Variants in GARIN3 observed in about 807,000 individuals in gnomAD.
The protein encoded by GARIN3 is golgi associated RAB2 interactor family member 3.
At chr5:157,162,840 G>A in the GARIN3 span, 1 of 1,614,184 alleles carries the variant, frequency 6.2e-7, no homozygotes, top group Non-Finnish European at 8.5e-7. Flanking sequence ...CATCTCTCGT[G>A]TTTTTATGGC....
chr5:157,164,436 G>T, the GARIN3 span, among the ~76,000 whole-genome samples: 18 of 152,292 alleles, frequency 1.2e-4, no homozygotes, highest in Admixed American at 8.5e-4. Flanking sequence ...ACAAGCATGA[G>T]CCACCGCACC....
the GARIN3 span, chr5:157,163,309 T>G: frequency 6.2e-7 from 1 of 1,614,200 alleles, no homozygotes; most frequent in Non-Finnish European, 8.5e-7. Context: ...TCCTGGATTT[T>G]TGATAGCTGC....
the GARIN3 span, chr5:157,162,839 T>A: frequency 1.2e-6 from 2 of 1,614,238 alleles, no homozygotes; most frequent in South Asian, 2.2e-5. Flanking sequence ...TCATCTCTCG[T>A]GTTTTTATGG....
the GARIN3 span, chr5:157,162,937 C>T: frequency 1.2e-6 from 2 of 1,614,206 alleles, no homozygotes; most frequent in Non-Finnish European, 1.7e-6. Flanking sequence ...GTGATGAGAA[C>T]TTTTCCTACT....
the GARIN3 span, chr5:157,162,094 G>A: frequency 3.4e-6 from 1 of 290,212 alleles, no homozygotes; most frequent in South Asian, 5.5e-5. Context: ...AATGGGCGAG[G>A]GGACATGGTG....
At chr5:157,164,237 C>A in the GARIN3 span, among the ~76,000 whole-genome samples, 2 of 150,970 alleles carry the variant, frequency 1.3e-5, no homozygotes, top group African/African-American at 2.4e-5. Flanking sequence ...GCAATCTCCG[C>A]CTCCCAGGTT....
chr5:157,165,659 T>C, the GARIN3 span: 1 of 1,613,936 alleles, frequency 6.2e-7, no homozygotes, highest in African/African-American at 1.3e-5. Context: ...GATAGACAAG[T>C]TTTTCCCAAT....
At chr5:157,163,087 G>T in the GARIN3 span, 6 of 1,614,204 alleles carry the variant, frequency 3.7e-6, no homozygotes, top group Admixed American at 3.3e-5. Flanking sequence ...TCCCACTGCT[G>T]GTCCTTCAGT....
the GARIN3 span, among the ~76,000 whole-genome samples, chr5:157,164,615 G>A: frequency 6.6e-6 from 1 of 152,064 alleles, no homozygotes; most frequent in Non-Finnish European, 1.5e-5. Flanking sequence ...TGCTCTGCAG[G>A]ACAGATTTCC....
the GARIN3 span, chr5:157,162,890 C>G: frequency 5.0e-6 from 8 of 1,614,000 alleles, no homozygotes; most frequent in Non-Finnish European, 6.8e-6. Context: ...TGATTCTTGT[C>G]CCCCGCTCTC....
the GARIN3 span, chr5:157,163,696 G>T: frequency 1.3e-6 from 2 of 1,574,200 alleles, no homozygotes; most frequent in South Asian, 2.3e-5. Flanking sequence ...AGATTGAGAT[G>T]ACTGAAAGGG....
chr5:157,162,224 T>A, the GARIN3 span: 4 of 638,070 alleles, frequency 6.3e-6, no homozygotes, highest in Non-Finnish European at 1.0e-5. Flanking sequence ...GGTGGAGCTC[T>A]ACTTGCCTGG....
chr5:157,166,200 C>T, the GARIN3 span: 2 of 1,584,676 alleles, frequency 1.3e-6, no homozygotes, highest in Admixed American at 1.7e-5. Flanking sequence ...CTCCACCAGC[C>T]ACAAATAGAG....
chr5:157,164,556 A>T, the GARIN3 span, among the ~76,000 whole-genome samples: 12 of 152,202 alleles, frequency 7.9e-5, no homozygotes, highest in Non-Finnish European at 1.3e-4. Context: ...GAAAGTACTG[A>T]TACAATTCCT....
chr5:157,163,454 C>T, the GARIN3 span: 1 of 1,614,240 alleles, frequency 6.2e-7, no homozygotes, highest in Non-Finnish European at 8.5e-7. Context: ...GTTCCTGCCA[C>T]TGCCATGCCA....
the GARIN3 span, among the ~76,000 whole-genome samples, chr5:157,164,778 A>C: frequency 6.6e-6 from 1 of 152,180 alleles, no homozygotes; most frequent in Non-Finnish European, 1.5e-5. Context: ...CTCAAATCGA[A>C]GAAAGACTTC....
the GARIN3 span, among the ~76,000 whole-genome samples, chr5:157,164,390 G>A: frequency 1.3e-5 from 2 of 151,962 alleles, no homozygotes; most frequent in African/African-American, 4.8e-5. Flanking sequence ...GACCTCTGGT[G>A]AGCCGCCTTC....
the GARIN3 span, chr5:157,163,132 C>T: frequency 1.2e-6 from 2 of 1,614,164 alleles, no homozygotes; most frequent in South Asian, 1.1e-5. Context: ...CGTAATACTG[C>T]CTGCAAACGC....
chr5:157,162,820 T>C, the GARIN3 span: 7 of 1,614,220 alleles, frequency 4.3e-6, no homozygotes, highest in Non-Finnish European at 5.9e-6. Flanking sequence ...GTACCCTTTT[T>C]CTTTTTTGTC....
Sources: gnomAD v4.1 joint callset for allele counts (sites outside exome capture counted in the v4.1 genomes callset) on GRCh38, gnomAD v4.1.1 for gene constraint, MANE v1.5 for transcripts, NCBI Gene and HGNC (gene_info 2026-07-23, HGNC 2026-07-21) for gene names.